LMX1A: variants seen among roughly 807,000 people sequenced by gnomAD.
The protein encoded by LMX1A is LIM homeobox transcription factor 1 alpha.
Under a neutral mutation model 49.1 loss-of-function variants are expected in LMX1A, and 15 were observed. The observed-to-expected ratio is 0.31, with a 90% CI of 0.20 to 0.47. The LOEUF is 0.47. LMX1A is among the 20% of genes least tolerant of loss of function. The pLI is 1.00. For missense variants in LMX1A, 372 were observed against 475.8 expected, an observed-to-expected ratio of 0.78 and a Z score of 2.03; for synonymous variants, 167 against 185.7, an observed-to-expected ratio of 0.90 and a Z score of 0.82.
At chr1:165,265,633 A>G (rs1023411107) in intron 3 of LMX1A, among the ~76,000 whole-genome samples, 3 of 152,330 alleles carry the variant, frequency 2.0e-5, no homozygotes, top group African/African-American at 7.2e-5. Context: ...CACTGTACCA[A>G]TGAGAGCTAC....
intron 4 of LMX1A, among the ~76,000 whole-genome samples, chr1:165,248,350 C>T (rs1218188696): frequency 6.6e-6 from 1 of 152,100 alleles, no homozygotes; most frequent in Non-Finnish European, 1.5e-5. Context: ...AGTGAGGTTA[C>T]AGGGGGCTTG....
At chr1:165,213,837 T>C (rs762498701) in intron 4 of LMX1A, 24 bp from the exon 5 acceptor site, 11 of 1,610,784 alleles carry the variant, frequency 6.8e-6, no homozygotes, top group Admixed American at 1.7e-5. Context: ...AAGACAATGT[T>C]GTGAGTCCCT....
intron 4 of LMX1A, among the ~76,000 whole-genome samples, chr1:165,219,944 T>A (rs186866749): frequency 1.7e-4 from 26 of 152,210 alleles, no homozygotes; most frequent in African/African-American, 6.0e-4. Context: ...GGGTTCACAG[T>A]GCAGGTGTCA....
intron 3 of LMX1A, among the ~76,000 whole-genome samples, chr1:165,336,286 TA>T (rs1655895823): frequency 1.3e-5 from 2 of 152,134 alleles, no homozygotes; most frequent in African/African-American, 4.8e-5. Flanking sequence ...TGTGCCTAAT[TA>T]AAAGTACTTA....
At chr1:165,288,480 G>A (rs1239180073) in intron 3 of LMX1A, among the ~76,000 whole-genome samples, 2 of 152,134 alleles carry the variant, frequency 1.3e-5, no homozygotes, top group African/African-American at 4.8e-5. Flanking sequence ...GGCAGCGGCT[G>A]CCACCGGGAA....
In LMX1A at chr1:165,341,642, T is replaced by C. The variant is rs149816319; in HGVS notation, c.263+11434A>G. On this transcript the variant is annotated intron_variant, in intron 3 of 8. Coordinates refer to ENST00000342310, the MANE Select transcript of LMX1A (RefSeq NM_177398.4). ...ATTGTAATAAGTGCCTTGAAGATGATGAATAGCACATAGTAATACAGAACC... is the reference window on the plus strand; with the variant it reads ...ATTGTAATAAGTGCCTTGAAGATGACGAATAGCACATAGTAATACAGAACC... 1.0e-3 allele frequency among the ~76,000 whole-genome samples: 155 copies of C among 151,934 alleles called. 1 individual carries two copies. The East Asian group carries it at 0.028, about 27-fold the overall frequency.
intron 3 of LMX1A, among the ~76,000 whole-genome samples, chr1:165,261,003 C>T (rs992835199): frequency 6.6e-6 from 1 of 152,136 alleles, no homozygotes; most frequent in Non-Finnish European, 1.5e-5. Flanking sequence ...CAATTACATT[C>T]ATTATACAGA....
chr1:165,203,957 C>T lies in LMX1A; in HGVS notation c.1072G>A (p.Ala358Thr), dbSNP rs1438662322. Residue 358 changes from alanine (A) to threonine (T), a missense_variant, in exon 9 of 9, where the codon GCT becomes ACT. Coordinates refer to ENST00000342310, the MANE Select transcript of LMX1A (RefSeq NM_177398.4). ...CCCACTCTGGACTGCAGAGGCCCAG[C>T]TTCTGAGGTTGCTAGGAAACAATCA... The part of the protein sequence containing the change: ...LGDCFLATSE[A>T]GPLQSRVGNP... The T allele has an allele frequency of 1.2e-6, 2 of 1,614,024 alleles. No homozygotes were observed. Among genetic ancestry groups the T allele is most frequent in the Non-Finnish European group, 1.7e-6 (2 of 1,180,026 alleles).
At chr1:165,259,760 T>C (rs1286107101) in intron 3 of LMX1A, among the ~76,000 whole-genome samples, 2 of 152,220 alleles carry the variant, frequency 1.3e-5, no homozygotes, top group Non-Finnish European at 2.9e-5. Flanking sequence ...AAAGAGATTA[T>C]ACCATGGCCC....
intron 3 of LMX1A, among the ~76,000 whole-genome samples, chr1:165,338,902 C>A (rs936015296): frequency 6.6e-6 from 1 of 152,156 alleles, no homozygotes; most frequent in Non-Finnish European, 1.5e-5. Context: ...ATATGACAGC[C>A]CTAGACCTAG....
intron 3 of LMX1A, among the ~76,000 whole-genome samples, chr1:165,274,484 C>T (rs769333873): frequency 5.3e-5 from 8 of 152,070 alleles, no homozygotes; most frequent in Non-Finnish European, 1.2e-4. Context: ...TTTGGGGTTT[C>T]GGTTTTGGGG....
intron 4 of LMX1A, among the ~76,000 whole-genome samples, chr1:165,227,269 G>A (rs1652068053): frequency 6.6e-6 from 1 of 152,208 alleles, no homozygotes; most frequent in Non-Finnish European, 1.5e-5. Flanking sequence ...CAGGCACAGT[G>A]GCTCACGCCT....
Position 165,355,429 on chromosome 1 carries a change from G to C in LMX1A, c.76+55C>G. Reference sequence around the variant, plus strand: ...AGGTCCCAGAGAGCGGGGCTCCAGAGCTCAGCGCCAAGCGGAAAGAGAGTG... The same window carrying C: ...AGGTCCCAGAGAGCGGGGCTCCAGACCTCAGCGCCAAGCGGAAAGAGAGTG... On this transcript the variant is annotated intron_variant, in intron 2 of 8. Coordinates refer to ENST00000342310, the MANE Select transcript of LMX1A (RefSeq NM_177398.4). The surrounding 1 kb of genome is among the most constrained non-coding windows in gnomAD (Gnocchi z 4.7). The C allele has an allele frequency of 6.4e-7, 1 of 1,569,092 alleles. No individual in the cohort carries two copies. The highest frequency in any genetic ancestry group is 1.1e-5 in the South Asian group (1 of 88,948).
At chr1:165,281,774 G>A (rs1360370881) in intron 3 of LMX1A, among the ~76,000 whole-genome samples, 2 of 151,908 alleles carry the variant, frequency 1.3e-5, no homozygotes, top group Non-Finnish European at 2.9e-5. Context: ...GTGTGTGTGT[G>A]TGAAGCCACT....
At chr1:165,279,619 C>T (rs761798142) in intron 3 of LMX1A, among the ~76,000 whole-genome samples, 3 of 152,184 alleles carry the variant, frequency 2.0e-5, no homozygotes, top group Non-Finnish European at 1.5e-5. Context: ...GCTGATGCTG[C>T]CTGTCCAGGA....
chr1:165,281,775 T>TGTGA (rs1260514827), intron 3 of LMX1A, among the ~76,000 whole-genome samples: 1 of 151,826 alleles, frequency 6.6e-6, no homozygotes, highest in South Asian at 2.1e-4. Flanking sequence ...TGTGTGTGTG[T>TGTGA]GAAGCCACTG....
At chr1:165,252,884 T>C (rs1653108223) in intron 3 of LMX1A, among the ~76,000 whole-genome samples, 1 of 152,244 alleles carries the variant, frequency 6.6e-6, no homozygotes, top group Non-Finnish European at 1.5e-5. Context: ...CATGATGGCC[T>C]AAGGGTTGCC....
intron 4 of LMX1A, among the ~76,000 whole-genome samples, chr1:165,226,624 T>C (rs1652045173): frequency 6.6e-6 from 1 of 152,218 alleles, no homozygotes; most frequent in Non-Finnish European, 1.5e-5. Context: ...TGATGAGCTA[T>C]GACAGCAGCT....
intron 3 of LMX1A, among the ~76,000 whole-genome samples, chr1:165,311,123 A>G (rs541095549): frequency 6.6e-6 from 1 of 152,184 alleles, no homozygotes; most frequent in East Asian, 1.9e-4. Context: ...CAGGATTTAC[A>G]TTTTTTCTTC....
Sources: allele counts gnomAD v4.1 joint callset (sites outside exome capture counted in the v4.1 genomes callset), GRCh38; gene constraint gnomAD v4.1.1; non-coding constraint Gnocchi (gnomAD v3.1); transcripts MANE v1.5; gene names NCBI Gene and HGNC (gene_info 2026-07-23, HGNC 2026-07-21).